The following RUFY4 variants were observed in gnomAD, a reference collection of about 807,000 sequenced individuals.
RUFY4 encodes the protein RUN and FYVE domain-containing protein 4.
A neutral mutation model predicts 69.0 loss-of-function variants in RUFY4; 73 were observed. The ratio of observed to expected loss-of-function variants is 1.06; its 90% CI spans 0.88 to 1.29. The LOEUF is 1.29. Ranked by LOEUF, RUFY4 falls within the 50% of genes most tolerant of loss-of-function variation. The probability of loss-of-function intolerance (pLI) is 0.00; values close to 1 mark genes in which losing one functional copy is unlikely to be tolerated. For missense variants in RUFY4, 770 were observed against 705.6 expected (o/e 1.09, Z -1.03); for synonymous variants, 287 against 271.8 (o/e 1.06, Z -0.55).
Position 218,076,363 on chromosome 2 carries a change from G to C in RUFY4, c.1249-64G>C, listed in dbSNP as rs535486462. On this transcript the variant is annotated intron_variant, in intron 7 of 10. Transcript: ENST00000344321. ...TCTCTCGGGAATGTTGTTCAGGTCA[G>C]CCCCAGCACTGGGGTCTCTGCCCTT... The C allele has an allele frequency of 7.3e-5, 112 of 1,529,898 alleles. No individual in the cohort carries two copies. The African/African-American group carries it at 1.4e-3, about 19-fold the overall frequency. 94.8% of individuals were successfully genotyped at this position (1,529,898 alleles called of 1,614,324 possible). A position where few individuals can be genotyped will look rare whatever the true frequency, so the allele number is the denominator to read the frequency against.
exon 9 of RUFY4, chr2:218,083,152 G>A (rs759543894): frequency 6.2e-7 from 1 of 1,613,740 alleles, no homozygotes; most frequent in Non-Finnish European, 8.5e-7. Context: ...AGCTGGAGCA[G>A]AAGCAACAGG....
rs535807294 is a variant in RUFY4 at position 218,046,757 on chromosome 2, G to A, written c.-1158+11363G>A. Among the ~76,000 whole-genome samples, 30 of 152,252 alleles carry A rather than the reference G, an allele frequency of 2.0e-4. 1 individual carries two copies. The South Asian group carries it at 6.0e-3, about 30-fold the overall frequency. ...GTTCAGCATCACTTATTATTTGGCAGTGCCTCTCATGCAATTTAACACATC... is the reference window on the plus strand; with the variant it reads ...GTTCAGCATCACTTATTATTTGGCAATGCCTCTCATGCAATTTAACACATC... On this transcript the variant is annotated intron_variant and NMD_transcript_variant, in intron 2 of 13. Coordinates refer to the RUFY4 transcript ENST00000457754.
At chr2:218,073,165 G>C in intron 4 of RUFY4, 78 bp from the exon 7 acceptor site, 1 of 1,501,228 alleles carries the variant, frequency 6.7e-7, no homozygotes, top group Non-Finnish European at 8.9e-7. Context: ...TTGAGGTTGA[G>C]CTGGGGTGGG....
exon 3 of RUFY4, chr2:218,072,411 G>A (rs185526282): frequency 6.1e-4 from 941 of 1,537,390 alleles, no homozygotes; most frequent in Non-Finnish European, 6.9e-4. Context: ...CTGGGGCCTC[G>A]GAAGGATTAC....
chr2:218,089,248 T>A lies in RUFY4; in HGVS notation c.1503-4T>A, dbSNP rs774559970. 1 of 1,610,986 alleles carries A rather than the reference T, an allele frequency of 6.2e-7. No homozygotes were observed. Among genetic ancestry groups the A allele is most frequent in the Non-Finnish European group, 8.5e-7 (1 of 1,177,560 alleles). ...GTGTCTCTCCACCTTCATCCCCCCA[T>A]CAGAGAGAAGGACCGCCTGTGGCAG... On this transcript the variant is annotated splice_region_variant and splice_polypyrimidine_tract_variant and intron_variant, in intron 9 of 10. Coordinates refer to ENST00000344321, the Ensembl canonical transcript of RUFY4.
chr2:218,062,478 A>G (rs1689221791), intron 3 of RUFY4, among the ~76,000 whole-genome samples: 1 of 151,718 alleles, frequency 6.6e-6, no homozygotes, highest in Non-Finnish European at 1.5e-5. Context: ...TCTGGGAGAC[A>G]GAGGCAGGCG....
chr2:218,073,426 C>G (rs1427772051), intron 5 of RUFY4, 40 bp downstream of exon 7: 1 of 1,566,952 alleles, frequency 6.4e-7, no homozygotes, highest in Non-Finnish European at 8.7e-7. Context: ...CTTTTGACAC[C>G]TGGTCCCATG....
chr2:218,086,434 T>C (rs139083805), intron 9 of RUFY4, among the ~76,000 whole-genome samples: 75 of 152,250 alleles, frequency 4.9e-4, no homozygotes, highest in African/African-American at 1.7e-3. Context: ...ATAAGGAGAA[T>C]GTCCTAAGAT....
At chr2:218,067,628 A>G (rs1390878149), upstream of RUFY4, among the ~76,000 whole-genome samples, 1 of 152,152 alleles carries the variant, frequency 6.6e-6, no homozygotes, top group Non-Finnish European at 1.5e-5. Flanking sequence ...AGGGAGTCAC[A>G]GGCAAGCTCC....
exon 11 of RUFY4, chr2:218,090,123 C>T: frequency 2.1e-6 from 2 of 933,182 alleles, no homozygotes; most frequent in Non-Finnish European, 3.2e-6. Flanking sequence ...CACTCCCTGC[C>T]CGTAGCTCTT....
At chr2:218,049,565 G>A (rs1688900930) in intron 2 of RUFY4, among the ~76,000 whole-genome samples, 1 of 151,548 alleles carries the variant, frequency 6.6e-6, no homozygotes, top group Non-Finnish European at 1.5e-5. Context: ...GGAGTGCAAT[G>A]GCATGAACTC....
intron 2 of RUFY4, among the ~76,000 whole-genome samples, 154 bp downstream of exon 4, chr2:218,071,013 G>A (rs1377260864): frequency 6.6e-6 from 1 of 152,204 alleles, no homozygotes; most frequent in African/African-American, 2.4e-5. Context: ...CACTCTTGGA[G>A]TTTGTCACTG....
chr2:218,066,668 G>T (rs565480343), upstream of RUFY4, among the ~76,000 whole-genome samples: 1 of 152,170 alleles, frequency 6.6e-6, no homozygotes, highest in African/African-American at 2.4e-5. Context: ...TAAAGATAAC[G>T]TCTTACATTA....
At chr2:218,056,262 G>A (rs1300303402) in intron 2 of RUFY4, among the ~76,000 whole-genome samples, 2 of 144,922 alleles carry the variant, frequency 1.4e-5, no homozygotes, top group Non-Finnish European at 3.0e-5. Context: ...TGCTCTGTAA[G>A]CTCTGCTTTT....
intron 8 of RUFY4, among the ~76,000 whole-genome samples, chr2:218,080,273 C>T (rs894445216): frequency 9.2e-5 from 14 of 152,208 alleles, no homozygotes; most frequent in African/African-American, 2.9e-4. Context: ...TGTTTAAAGG[C>T]TCACTCAGGC....
intron 2 of RUFY4, among the ~76,000 whole-genome samples, chr2:218,058,054 A>G (rs529226746): frequency 6.6e-6 from 1 of 152,364 alleles, no homozygotes; most frequent in African/African-American, 2.4e-5. Context: ...GATTGTGTGC[A>G]TTAAAAGAGA....
chr2:218,055,493 C>T (rs1689041956), intron 2 of RUFY4, among the ~76,000 whole-genome samples: 1 of 152,024 alleles, frequency 6.6e-6, no homozygotes, highest in East Asian at 1.9e-4. Flanking sequence ...TTTGGTGTTA[C>T]TCTGATTATC....
At chr2:218,050,129 G>A (rs1040169114) in intron 2 of RUFY4, among the ~76,000 whole-genome samples, 4 of 152,112 alleles carry the variant, frequency 2.6e-5, no homozygotes, top group Admixed American at 6.5e-5. Context: ...GCCACCCATG[G>A]ACCAGTCAGC....
chr2:218,079,212 G>A (rs569585809), intron 8 of RUFY4, among the ~76,000 whole-genome samples: 6 of 152,306 alleles, frequency 3.9e-5, no homozygotes, highest in African/African-American at 7.2e-5. Context: ...CTGTTAGCAG[G>A]CAAGCTGAAC....
Sources: gnomAD v4.1 joint callset for allele counts (sites outside exome capture counted in the v4.1 genomes callset) on GRCh38, gnomAD v4.1.1 for gene constraint, MANE v1.5 for transcripts, NCBI Gene and HGNC (gene_info 2026-07-23, HGNC 2026-07-21) for gene names.